Variants in TBC1D1 observed in about 807,000 individuals in gnomAD.
TBC1D1 encodes the protein TBC1 domain family member 1, also known as TBC1 (tre-2/USP6, BUB2, cdc16) domain family, member 1.
TBC1D1 carries 89 observed loss-of-function variants against 125.6 expected under a neutral mutation model. The ratio of observed to expected loss-of-function variants is 0.71; its 90% CI spans 0.60 to 0.85. The LOEUF (loss-of-function observed/expected upper bound fraction) is 0.85. Ranked by LOEUF, TBC1D1 falls within the 40% of genes least tolerant of loss-of-function variation. The pLI, the probability that TBC1D1 is intolerant of heterozygous loss-of-function variation, is 0.00. For synonymous variants in TBC1D1, 565 were observed against 564.1 expected, an observed-to-expected ratio of 1.00 and a Z score of -0.02; for missense variants, 1,377 against 1,469.2, an observed-to-expected ratio of 0.94 and a Z score of 1.03.
At chr4:38,122,901 C>T (rs1336904730) in intron 17 of TBC1D1, among the ~76,000 whole-genome samples, 2 of 152,160 alleles carry the variant, frequency 1.3e-5, no homozygotes, top group East Asian at 3.8e-4. Flanking sequence ...CTTTAAAACA[C>T]ATAACACCAC....
chr4:38,101,924 G>T (rs548429211), intron 14 of TBC1D1, among the ~76,000 whole-genome samples: 5 of 151,844 alleles, frequency 3.3e-5, no homozygotes, highest in Non-Finnish European at 5.9e-5. Context: ...CATCCTTAAG[G>T]CTCGACTCAA....
chr4:37,954,412 T>C (rs1003445700), intron 2 of TBC1D1, among the ~76,000 whole-genome samples: 7 of 152,010 alleles, frequency 4.6e-5, no homozygotes, highest in Non-Finnish European at 8.8e-5. Flanking sequence ...AAAAATTGCC[T>C]ACTATGTGCC....
chr4:38,025,158 GCT>G (rs989053629), intron 6 of TBC1D1, among the ~76,000 whole-genome samples: 3 of 152,102 alleles, frequency 2.0e-5, no homozygotes, highest in African/African-American at 7.2e-5. Context: ...ATTCATCACC[GCT>G]CTCTCTAACA....
At chr4:37,997,693 C>A (rs1423336674) in intron 2 of TBC1D1, among the ~76,000 whole-genome samples, 1 of 152,040 alleles carries the variant, frequency 6.6e-6, no homozygotes, top group Non-Finnish European at 1.5e-5. Flanking sequence ...CCTTCCAGAT[C>A]TGTTTTATTA....
chr4:38,103,258 A>G, intron 15 of TBC1D1, 101 bp downstream of exon 17: 1 of 1,275,260 alleles, frequency 7.8e-7, no homozygotes, highest in Non-Finnish European at 1.1e-6. Context: ...CTTTAGGTTT[A>G]GCAATCAAAA....
chr4:38,114,541 C>T (rs545750414), intron 15 of TBC1D1, among the ~76,000 whole-genome samples: 80 of 152,210 alleles, frequency 5.3e-4, no homozygotes, highest in Non-Finnish European at 9.8e-4. Context: ...GTTCATAATT[C>T]TTGCCTGGGC....
intron 12 of TBC1D1, among the ~76,000 whole-genome samples, chr4:38,087,996 T>A (rs1313725477): frequency 5.3e-5 from 8 of 150,236 alleles, no homozygotes; most frequent in Non-Finnish European, 1.0e-4. Flanking sequence ...CTGCCCTCGC[T>A]ATCAGGACAG....
intron 2 of TBC1D1, among the ~76,000 whole-genome samples, chr4:37,936,614 C>T (rs920629875): frequency 2.0e-5 from 3 of 152,154 alleles, no homozygotes; most frequent in African/African-American, 7.2e-5. Context: ...CCAGAAAGGT[C>T]CTTGCTTCCT....
intron 2 of TBC1D1, among the ~76,000 whole-genome samples, chr4:38,009,443 G>C (rs1041942156): frequency 2.4e-4 from 37 of 152,182 alleles, no homozygotes; most frequent in African/African-American, 8.7e-4. Context: ...CAAATGTAAA[G>C]TAAAATGACT....
In TBC1D1 at chr4:37,933,072, C is replaced by CA. The variant is rs560803623; in HGVS notation, c.417+30568dup. On this transcript the variant is annotated intron_variant, in intron 2 of 19. Coordinates refer to ENST00000261439, the MANE Select transcript of TBC1D1 (RefSeq NM_015173.4). ...ATTTAAAAACAAAAAAACAAAAAAA[C>CA]AAAAAAAACTTATATTAGAATGTTG... 6.4e-3 allele frequency among the ~76,000 whole-genome samples: 958 copies of CA among 149,870 alleles called. 4 individuals carry two copies. Among genetic ancestry groups the CA allele is most frequent in the South Asian group, 0.034 (160 of 4,740 alleles).
At chr4:38,039,104 C>CTTTTTTGTTTT (rs1747808749) in intron 8 of TBC1D1, among the ~76,000 whole-genome samples, 1 of 51,542 alleles carries the variant, frequency 1.9e-5, no homozygotes, top group African/African-American at 6.2e-5. Context: ...GCATCATACT[C>CTTTTTTGTTTT]TTTTTTTTTT....
chr4:37,963,605 C>T (rs890381485), intron 2 of TBC1D1, among the ~76,000 whole-genome samples: 11 of 152,118 alleles, frequency 7.2e-5, no homozygotes, highest in Non-Finnish European at 1.2e-4. Context: ...TGCGGTGAGC[C>T]GAGATCACGC....
chr4:38,113,269 C>G (rs990521742), intron 15 of TBC1D1, among the ~76,000 whole-genome samples: 1 of 152,180 alleles, frequency 6.6e-6, no homozygotes, highest in Non-Finnish European at 1.5e-5. Flanking sequence ...AACACACACC[C>G]GTGAAGCCAG....
rs757303654 is a variant in TBC1D1 at position 38,133,102 on chromosome 4, G to T, written c.3151G>T (p.Ala1051Ser). The T allele has an allele frequency of 2.5e-6, 4 of 1,613,168 alleles. No individual in the cohort carries two copies. The South Asian group carries it at 4.4e-5, about 18-fold the overall frequency. ...ATAACAGGTATTTGAAATGGACATCGCTAAACAGTTACAAGCTTATGAAGT... is the reference window on the plus strand; with the variant it reads ...ATAACAGGTATTTGAAATGGACATCTCTAAACAGTTACAAGCTTATGAAGT... The change falls in exon 19 of 20, where the codon GCT becomes TCT. Residue 1051 changes from alanine to serine, a missense_variant. Around this residue, in one of 3 missense-constraint regions of TBC1D1, gnomAD observed 543 missense variants for 613.5 expected, o/e 0.89. Transcript: ENST00000261439.
chr4:37,982,915 G>A (rs1423960529), intron 2 of TBC1D1, among the ~76,000 whole-genome samples: 1 of 152,176 alleles, frequency 6.6e-6, no homozygotes, highest in Non-Finnish European at 1.5e-5. Context: ...GGTTGTGCCA[G>A]GCAGTTAGAG....
At chr4:38,121,021 CT>C (rs1031015960) in intron 17 of TBC1D1, among the ~76,000 whole-genome samples, 1 of 152,142 alleles carries the variant, frequency 6.6e-6, no homozygotes, top group African/African-American at 2.4e-5. Context: ...TTCAGAGAGA[CT>C]TTAGGATGAA....
chr4:38,100,497 A>T (rs1268835706), intron 14 of TBC1D1, among the ~76,000 whole-genome samples: 1 of 152,234 alleles, frequency 6.6e-6, no homozygotes, highest in Non-Finnish European at 1.5e-5. Flanking sequence ...ATAATCCAGG[A>T]TGCTCTCCTC....
intron 12 of TBC1D1, among the ~76,000 whole-genome samples, chr4:38,074,673 C>T (rs1396038730): frequency 6.6e-6 from 1 of 152,030 alleles, no homozygotes; most frequent in Non-Finnish European, 1.5e-5. Flanking sequence ...TGTAACAACT[C>T]TTGATTCTTA....
At position 38,057,054 on chromosome 4, in the gene TBC1D1, C is replaced by T. The variant is rs116019539; in HGVS notation, c.2050+2716C>T. On this transcript the variant is annotated intron_variant, in intron 12 of 19. Coordinates refer to ENST00000261439, the MANE Select transcript of TBC1D1 (RefSeq NM_015173.4). Reference sequence around the variant, plus strand: ...GATGCTGCTCCTCCTGTTCCTAGGCCGTAATCACCCCTGATTCATCAGACC... The same window carrying T: ...GATGCTGCTCCTCCTGTTCCTAGGCTGTAATCACCCCTGATTCATCAGACC... 4.5e-3 allele frequency among the ~76,000 whole-genome samples: 690 copies of T among 152,214 alleles called. 6 individuals carry two copies. The highest frequency in any genetic ancestry group is 0.016 in the African/African-American group (656 of 41,518).
Sources: allele counts gnomAD v4.1 joint callset (sites outside exome capture counted in the v4.1 genomes callset), GRCh38; gene constraint gnomAD v4.1.1; regional missense constraint gnomAD v4.1.1; transcripts MANE v1.5; gene names NCBI Gene and HGNC (gene_info 2026-07-23, HGNC 2026-07-21).